Variants in MMP25 observed in about 807,000 individuals in gnomAD.
MMP25 encodes the protein matrix metalloproteinase-25.
MMP25 carries 68 observed loss-of-function variants against 62.1 expected under a neutral mutation model. That is an observed-to-expected ratio of 1.10 (90% CI 0.90 to 1.34). MMP25 has a LOEUF of 1.34. Among genes scored for constraint, MMP25 ranks in the 40% most tolerant of loss-of-function variants. The pLI, the probability that MMP25 is intolerant of heterozygous loss-of-function variation, is 0.00. For missense variants in MMP25, 942 were observed against 792.5 expected, an observed-to-expected ratio of 1.19 and a Z score of -2.26; for synonymous variants, 407 against 345.6, an observed-to-expected ratio of 1.18 and a Z score of -1.97.
In MMP25 at chr16:3,054,685, T is replaced by TGGATGGACAGATGCATGCACAGAGGC. The variant is rs1955972802; in HGVS notation, c.662-2346_662-2345insATGGACAGATGCATGCACAGAGGCGG. 2.7e-5 allele frequency: 2 copies of TGGATGGACAGATGCATGCACAGAGGC among 74,678 alleles called. 1 individual carries two copies. The highest frequency in any genetic ancestry group is 1.1e-4 in the African/African-American group (2 of 18,842). The allele number at this position is 74,678 out of a possible 1,614,324, so 4.6% of individuals were successfully genotyped here. A position where few individuals can be genotyped will look rare whatever the true frequency, so the allele number is the denominator to read the frequency against. ...GTACGGACAGATGCATGCACAGAGGTGGGGATGGATGGACAGATGCATGCA... is the reference window on the plus strand; with the variant it reads ...GTACGGACAGATGCATGCACAGAGGTGGATGGACAGATGCATGCACAGAGGCGGGGATGGATGGACAGATGCATGCA... On this transcript the variant is annotated intron_variant, in intron 4 of 9. Coordinates refer to ENST00000336577, the MANE Select transcript of MMP25 (RefSeq NM_022468.5).
Position 3,059,199 on chromosome 16 carries a change from TTCCCAC to T in MMP25, c.*102_*107del. On this transcript the variant is annotated 3_prime_UTR_variant, in exon 10 of 10. Coordinates refer to ENST00000336577, the MANE Select transcript of MMP25 (RefSeq NM_022468.5). ...AGGCGCTGCGGAGGCCCCTTGTCTG[TTCCCAC>T]GGACGGGGGCTCGGGCGCGGACTAA... 7.6e-7 allele frequency: 1 copy of T among 1,322,396 alleles called. No homozygotes were observed. The highest frequency in any genetic ancestry group is 9.9e-7 in the Non-Finnish European group (1 of 1,007,124). The allele number at this position is 1,322,396 out of a possible 1,614,324, so 81.9% of individuals were successfully genotyped here.
intron 2 of MMP25, among the ~76,000 whole-genome samples, chr16:3,047,908 C>T (rs1207923625): frequency 5.3e-5 from 8 of 150,520 alleles, no homozygotes; most frequent in African/African-American, 2.0e-4. Context: ...GGTACCATCT[C>T]GGCTCACCGC....
chr16:3,048,589 C>T (rs749478276), intron 2 of MMP25, among the ~76,000 whole-genome samples: 17 of 152,068 alleles, frequency 1.1e-4, no homozygotes, highest in Middle Eastern at 6.3e-3. Context: ...AGGAACCAGC[C>T]ATGGGAAGAT....
chr16:3,059,071 G>T lies in MMP25; in HGVS notation c.1662G>T (p.Leu554=). The T allele has an allele frequency of 6.5e-7, 1 of 1,549,138 alleles. No homozygotes were observed. Residue 554 remains leucine, a synonymous_variant, in exon 10 of 10, where the codon CTG becomes CTT. Transcript: ENST00000336577. ...PAPIPLLLLP[L]LVGGVASR ...CCATCCCGCTGCTCCTCTTGCCCCT[G>T]CTGGTGGGGGGTGTAGCCTCCCGCT...
chr16:3,056,882 G>C, intron 4 of MMP25, 151 bp from the exon 5 acceptor site: 1 of 674,458 alleles, frequency 1.5e-6, no homozygotes, highest in South Asian at 2.0e-5. Flanking sequence ...GGATGATGGA[G>C]AGTTCAGGAA....
Position 3,059,300 on chromosome 16 carries a change from T to A in MMP25, c.*202T>A. 1 of 539,440 alleles carries A rather than the reference T, an allele frequency of 1.9e-6. No homozygotes were observed. Among genetic ancestry groups the A allele is most frequent in the Non-Finnish European group, 3.0e-6 (1 of 335,366 alleles). The allele number at this position is 539,440 out of a possible 1,614,324, so 33.4% of individuals were successfully genotyped here. A position where few individuals can be genotyped will look rare whatever the true frequency, so the allele number is the denominator to read the frequency against. On this transcript the variant is annotated 3_prime_UTR_variant, in exon 10 of 10. Coordinates refer to ENST00000336577, the MANE Select transcript of MMP25 (RefSeq NM_022468.5). ...TCGCCTGGCGCTGGGCTCAGTCTCC[T>A]CAGGGTCTGAGACCCCGGCGCTGCC...
At chr16:3,057,250 A>G (rs758950400) in intron 5 of MMP25, 41 bp downstream of exon 5, 2 of 1,613,802 alleles carry the variant, frequency 1.2e-6, no homozygotes, top group Non-Finnish European at 1.7e-6. Context: ...TCATTGCCCC[A>G]TCCAGTGTCC....
At chr16:3,048,805 ATTT>A (rs558334268) in intron 2 of MMP25, among the ~76,000 whole-genome samples, 4 of 140,188 alleles carry the variant, frequency 2.9e-5, no homozygotes, top group Non-Finnish European at 1.6e-5. Context: ...ATGACTTGCA[ATTT>A]TTTTTTTTTT....
chr16:3,059,791 A>T lies in MMP25; in HGVS notation c.*693A>T, dbSNP rs1956083802. 6.6e-6 allele frequency: 1 copy of T among 152,240 alleles called. No individual in the cohort carries two copies. The highest frequency in any genetic ancestry group is 2.4e-5 in the African/African-American group (1 of 41,394). 9.4% of individuals were successfully genotyped at this position (152,240 alleles called of 1,614,324 possible). A position where few individuals can be genotyped will look rare whatever the true frequency, so the allele number is the denominator to read the frequency against. On this transcript the variant is annotated 3_prime_UTR_variant, in exon 10 of 10. Coordinates refer to ENST00000336577, the MANE Select transcript of MMP25 (RefSeq NM_022468.5). ...TATCACCCCTGAGGACCCATGCGCC[A>T]CGTCCTGGGTGGTGGAATCAGTGGC...
chr16:3,058,829 G>A lies in MMP25; in HGVS notation c.1420G>A (p.Asp474Asn), dbSNP rs1956064347. ...GGACTCAAGCTCTGCTCCTCCAGGT[G>A]ACACCTACTTCTTCAAGGGCGCCCA... Reference protein sequence around the residue: ...PDDVTVSNAGDTYFFKGAHYW... With the variant: ...PDDVTVSNAGNTYFFKGAHYW... Residue 474 changes from aspartate (D) to asparagine (N), a missense_variant and splice_region_variant, in exon 10 of 10, where the codon GAC (aspartate) becomes AAC (asparagine). Physicochemically the swap from Asp to Asn is conservative, Grantham distance 23 (BLOSUM62 1). Transcript: ENST00000336577. 2 of 1,515,040 alleles carry A rather than the reference G, an allele frequency of 1.3e-6. No individual in the cohort carries two copies. The highest frequency in any genetic ancestry group is 1.8e-6 in the Non-Finnish European group (2 of 1,128,174). The allele number at this position is 1,515,040 out of a possible 1,614,324, so 93.8% of individuals were successfully genotyped here. A position where few individuals can be genotyped will look rare whatever the true frequency, so the allele number is the denominator to read the frequency against.
At position 3,059,320 on chromosome 16, in the gene MMP25, G is replaced by A. The variant is rs1040235091; in HGVS notation, c.*222G>A. 3 of 442,334 alleles carry A rather than the reference G, an allele frequency of 6.8e-6. No individual in the cohort carries two copies. In the Admixed American group the frequency reaches 1.3e-4, roughly 19 times the overall value. 27.4% of individuals were successfully genotyped at this position (442,334 alleles called of 1,614,324 possible). A position where few individuals can be genotyped will look rare whatever the true frequency, so the allele number is the denominator to read the frequency against. On this transcript the variant is annotated 3_prime_UTR_variant, in exon 10 of 10. Coordinates refer to ENST00000336577, the MANE Select transcript of MMP25 (RefSeq NM_022468.5). ...TCTCCTCAGGGTCTGAGACCCCGGC[G>A]CTGCCACCGGAACCCGCCTTCAGGG...
intron 4 of MMP25, chr16:3,053,173 C>G (rs556711783): frequency 6.5e-6 from 1 of 152,946 alleles, no homozygotes; most frequent in Admixed American, 6.5e-5. Flanking sequence ...CCTCAACATT[C>G]ACATATGGGC....
At chr16:3,048,705 C>G (rs1955856054) in intron 2 of MMP25, among the ~76,000 whole-genome samples, 1 of 152,086 alleles carries the variant, frequency 6.6e-6, no homozygotes, top group South Asian at 2.1e-4. Flanking sequence ...AGGCCTCAGC[C>G]AAGGGCCCTG....
At chr16:3,057,964 A>G (rs550311625) in intron 7 of MMP25, 28 of 591,788 alleles carry the variant, frequency 4.7e-5, no homozygotes, top group African/African-American at 4.0e-4. Context: ...CAGCCTCCCA[A>G]TGTGCTGGCA....
chr16:3,055,963 AG>A (rs1956000533), intron 4 of MMP25: 1 of 454,664 alleles, frequency 2.2e-6, no homozygotes. Context: ...CAGAGGGAAG[AG>A]GCTGGGAGCA....
At chr16:3,047,337 G>A in intron 1 of MMP25, 78 bp from the exon 2 acceptor site, 2 of 1,535,194 alleles carry the variant, frequency 1.3e-6, no homozygotes, top group Non-Finnish European at 1.8e-6. Context: ...GAGGGGCAGG[G>A]CTGCCAGGAT....
At chr16:3,057,447 T>C in intron 6 of MMP25, 53 bp downstream of exon 6, 1 of 1,594,690 alleles carries the variant, frequency 6.3e-7, no homozygotes, top group Non-Finnish European at 8.6e-7. Context: ...CCAGCCTCAG[T>C]GTCCTCTGAG....
intron 4 of MMP25, chr16:3,051,725 C>T (rs1472790308): frequency 6.6e-6 from 1 of 152,144 alleles, no homozygotes; most frequent in Non-Finnish European, 1.5e-5. Context: ...TCCACAGAAT[C>T]CCAGCAGAGG....
intron 2 of MMP25, among the ~76,000 whole-genome samples, chr16:3,047,826 C>T (rs1051006735): frequency 2.0e-5 from 3 of 149,354 alleles, no homozygotes; most frequent in Admixed American, 6.8e-5. Context: ...GAGACCCCCC[C>T]ACTCTCCAAG....
Sources: allele counts gnomAD v4.1 joint callset (sites outside exome capture counted in the v4.1 genomes callset), GRCh38; gene constraint gnomAD v4.1.1; transcripts MANE v1.5; gene names NCBI Gene and HGNC (gene_info 2026-07-23, HGNC 2026-07-21).